NOX4: variants seen among roughly 807,000 people sequenced by gnomAD.
NOX4 encodes kidney oxidase-1.
In NOX4, 69 loss-of-function variants were observed where a neutral mutation model predicts 87.6. The observed-to-expected ratio is 0.79, with a 90% CI of 0.65 to 0.96. The LOEUF is 0.96. Ranked by LOEUF, NOX4 falls within the 40% of genes least tolerant of loss-of-function variation. The pLI is 0.00. For synonymous variants in NOX4, 275 were observed against 238.2 expected (o/e 1.15, Z -1.42); for missense variants, 680 against 681.5 (o/e 1.00, Z 0.02).
intron 2 of NOX4, among the ~76,000 whole-genome samples, chr11:89,474,493 C>T (rs1404815686): frequency 2.0e-5 from 3 of 146,606 alleles, no homozygotes; most frequent in East Asian, 3.9e-4. Flanking sequence ...TTAAAGTTGT[C>T]CAACAATTGA....
At chr11:89,399,620 C>T (rs1287775851) in intron 11 of NOX4, among the ~76,000 whole-genome samples, 1 of 149,978 alleles carries the variant, frequency 6.7e-6, no homozygotes, top group Non-Finnish European at 1.5e-5. Flanking sequence ...TGTACCACCA[C>T]ATCTGGCTTT....
the NOX4 span, among the ~76,000 whole-genome samples, chr11:89,567,537 C>T: frequency 1.3e-5 from 2 of 152,198 alleles, no homozygotes; most frequent in Admixed American, 1.3e-4. Flanking sequence ...AACTTACAAT[C>T]ATGATGGAAG....
chr11:89,431,905 T>C (rs924474337), intron 7 of NOX4, among the ~76,000 whole-genome samples: 5 of 152,174 alleles, frequency 3.3e-5, no homozygotes, highest in African/African-American at 4.8e-5. Context: ...GGCACACGTA[T>C]GTTTATTGCG....
chr11:89,399,612 TACC>T (rs1941706190), intron 11 of NOX4, among the ~76,000 whole-genome samples: 2 of 150,104 alleles, frequency 1.3e-5, no homozygotes, highest in African/African-American at 2.4e-5. Context: ...TACAGATGTG[TACC>T]ACCACATCTG....
At chr11:89,439,249 C>CA (rs926682032) in intron 6 of NOX4, among the ~76,000 whole-genome samples, 4 of 150,686 alleles carry the variant, frequency 2.7e-5, no homozygotes, top group Non-Finnish European at 4.4e-5. Context: ...CACTGTAAAC[C>CA]AAAAAATACA....
chr11:89,350,872 A>T (rs1214163571), intron 13 of NOX4, among the ~76,000 whole-genome samples: 1 of 152,132 alleles, frequency 6.6e-6, no homozygotes, highest in African/African-American at 2.4e-5. Flanking sequence ...CTTCCCTGAG[A>T]CAAAACAATA....
intron 2 of NOX4, 125 bp downstream of exon 2, chr11:89,490,333 G>A: frequency 2.9e-6 from 2 of 679,246 alleles, no homozygotes; most frequent in South Asian, 3.6e-5. Flanking sequence ...CCACTTTAGA[G>A]AACAACAAAG....
chr11:89,582,302 T>G, the NOX4 span, among the ~76,000 whole-genome samples: 1 of 152,128 alleles, frequency 6.6e-6, no homozygotes, highest in African/African-American at 2.4e-5. Context: ...ATATTTAGGT[T>G]TTTTCCATAT....
chr11:89,461,106 A>C (rs1241918657), intron 2 of NOX4, among the ~76,000 whole-genome samples: 3 of 152,106 alleles, frequency 2.0e-5, no homozygotes, highest in African/African-American at 7.2e-5. Flanking sequence ...GGAATTGAAC[A>C]ATGAGAACAC....
At chr11:89,537,980 G>C in the NOX4 span, among the ~76,000 whole-genome samples, 57 of 152,276 alleles carry the variant, frequency 3.7e-4, 1 homozygote, top group African/African-American at 1.4e-3. Flanking sequence ...TCTTAAACCA[G>C]AATATGGTTG....
At chr11:89,445,131 G>A (rs924015015) in intron 4 of NOX4, among the ~76,000 whole-genome samples, 8 of 151,970 alleles carry the variant, frequency 5.3e-5, no homozygotes, top group African/African-American at 1.7e-4. Context: ...GCCTTTCAGG[G>A]GCCTTAATTT....
chr11:89,438,913 A>T (rs1280071276), intron 6 of NOX4, among the ~76,000 whole-genome samples: 62 of 65,060 alleles, frequency 9.5e-4, no homozygotes, highest in Middle Eastern at 0.019. Context: ...ATAATATATA[A>T]TATAAAATAT....
At chr11:89,490,181 A>G (rs1044962122) in intron 2 of NOX4, among the ~76,000 whole-genome samples, 2 of 152,202 alleles carry the variant, frequency 1.3e-5, no homozygotes, top group African/African-American at 4.8e-5. Flanking sequence ...GCAGCTGGCA[A>G]TAAGTAGCAA....
intron 6 of NOX4, among the ~76,000 whole-genome samples, chr11:89,433,261 C>G (rs1012403998): frequency 7.2e-5 from 11 of 152,014 alleles, no homozygotes; most frequent in African/African-American, 2.7e-4. Context: ...TACAGAACAC[C>G]AGAACTTATT....
chr11:89,333,079 G>C (rs1227627999), intron 17 of NOX4, among the ~76,000 whole-genome samples: 3 of 151,816 alleles, frequency 2.0e-5, no homozygotes, highest in African/African-American at 7.2e-5. Flanking sequence ...ACATGAGAAA[G>C]TATGTACAAA....
chr11:89,501,688 C>A (rs1349377278), upstream of NOX4, among the ~76,000 whole-genome samples: 1 of 152,140 alleles, frequency 6.6e-6, no homozygotes, highest in Admixed American at 6.6e-5. Flanking sequence ...ACTCTTGCCA[C>A]CTTCTGATGT....
In NOX4 at chr11:89,432,553, A is replaced by G. The variant is rs1055155588; in HGVS notation, c.548+231T>C. On this transcript the variant is annotated intron_variant, in intron 7 of 17. Coordinates refer to ENST00000263317, the MANE Select transcript of NOX4 (RefSeq NM_016931.5). The stretch of plus-strand genomic sequence containing the variant: ...ATTCTGAAGAACTCTAATTCTTTTG[A>G]TCATCAAATGCAGTCTCCATACACA... Among the ~76,000 whole-genome samples the G allele has an allele frequency of 2.0e-5, 3 of 152,178 alleles. No individual in the cohort carries two copies. In the East Asian group the frequency reaches 5.8e-4, roughly 29 times the overall value.
chr11:89,517,770 T>C, the NOX4 span, among the ~76,000 whole-genome samples: 5 of 152,128 alleles, frequency 3.3e-5, no homozygotes, highest in Non-Finnish European at 7.4e-5. Context: ...CTTTAATATA[T>C]ACTTTTCTCA....
chr11:89,431,322 A>G (rs1380060350), intron 7 of NOX4, among the ~76,000 whole-genome samples: 2 of 152,138 alleles, frequency 1.3e-5, no homozygotes, highest in Non-Finnish European at 1.5e-5. Context: ...AAAACACCAA[A>G]AGCAATGGCA....
Sources: gnomAD v4.1 joint callset for allele counts (sites outside exome capture counted in the v4.1 genomes callset) on GRCh38, gnomAD v4.1.1 for gene constraint, MANE v1.5 for transcripts, NCBI Gene and HGNC (gene_info 2026-07-23, HGNC 2026-07-21) for gene names.